Variants in CAMK4 observed in about 807,000 individuals in gnomAD.
The protein encoded by CAMK4 is calcium/calmodulin-dependent protein kinase type IV.
Under a neutral mutation model 44.9 loss-of-function variants are expected in CAMK4, and 22 were observed. The observed-to-expected ratio is 0.49, with a 90% CI of 0.35 to 0.70. The LOEUF (loss-of-function observed/expected upper bound fraction) is 0.70. Ranked by LOEUF, CAMK4 falls within the 30% of genes least tolerant of loss-of-function variation. The pLI, the probability that CAMK4 is intolerant of heterozygous loss-of-function variation, is 0.01. For missense variants in CAMK4, 498 were observed against 586.8 expected, an observed-to-expected ratio of 0.85 and a Z score of 1.56; for synonymous variants, 218 against 215.4, an observed-to-expected ratio of 1.01 and a Z score of -0.11.
At chr5:111,378,005 T>A (rs1751278364) in intron 4 of CAMK4, among the ~76,000 whole-genome samples, 1 of 152,098 alleles carries the variant, frequency 6.6e-6, no homozygotes, top group Non-Finnish European at 1.5e-5. Flanking sequence ...ACTCCTTCAC[T>A]TTTGCCAGGG....
intron 1 of CAMK4, among the ~76,000 whole-genome samples, chr5:111,279,541 T>C (rs1180656821): frequency 2.6e-5 from 4 of 152,206 alleles, no homozygotes; most frequent in Admixed American, 2.6e-4. Context: ...TATGATAGAA[T>C]TACTGATTAT....
At chr5:111,292,080 C>T (rs1197423343) in intron 1 of CAMK4, among the ~76,000 whole-genome samples, 2 of 152,166 alleles carry the variant, frequency 1.3e-5, no homozygotes, top group Admixed American at 6.5e-5. Flanking sequence ...GAAACATGCA[C>T]ATTTGCAGCA....
At chr5:111,331,253 A>G (rs1366831397) in intron 1 of CAMK4, among the ~76,000 whole-genome samples, 1 of 133,546 alleles carries the variant, frequency 7.5e-6, no homozygotes, top group East Asian at 2.3e-4. Context: ...AATAATAAAA[A>G]CAAAGTTATA....
intron 1 of CAMK4, among the ~76,000 whole-genome samples, chr5:111,231,639 T>G (rs1225829530): frequency 1.3e-5 from 2 of 152,236 alleles, no homozygotes; most frequent in Non-Finnish European, 2.9e-5. Flanking sequence ...CCCATTTCTA[T>G]GTATTACCAT....
intron 1 of CAMK4, among the ~76,000 whole-genome samples, chr5:111,273,206 C>T (rs1348304622): frequency 6.6e-6 from 1 of 152,226 alleles, no homozygotes; most frequent in Non-Finnish European, 1.5e-5. Context: ...CCATCTCATG[C>T]TAATGGCCCA....
At chr5:111,366,217 A>G (rs1750788390) in intron 2 of CAMK4, among the ~76,000 whole-genome samples, 1 of 152,170 alleles carries the variant, frequency 6.6e-6, no homozygotes, top group South Asian at 2.1e-4. Flanking sequence ...AAAATAAGTC[A>G]AAGAAGCCAA....
intron 1 of CAMK4, among the ~76,000 whole-genome samples, chr5:111,319,105 T>C (rs1222942264): frequency 6.6e-6 from 1 of 152,154 alleles, no homozygotes; most frequent in Non-Finnish European, 1.5e-5. Context: ...TCACAGGCCT[T>C]CACCCTCAAG....
chr5:111,397,381 C>T (rs1752058613), intron 5 of CAMK4, among the ~76,000 whole-genome samples: 2 of 152,166 alleles, frequency 1.3e-5, no homozygotes, highest in South Asian at 4.1e-4. Context: ...ATACTCAGCA[C>T]ATTCATTTAA....
intron 1 of CAMK4, among the ~76,000 whole-genome samples, chr5:111,330,533 A>G (rs943046524): frequency 6.6e-6 from 1 of 151,608 alleles, no homozygotes; most frequent in African/African-American, 2.4e-5. Context: ...ACATCAGTGA[A>G]TTGATTCTAA....
intron 1 of CAMK4, among the ~76,000 whole-genome samples, chr5:111,237,473 G>A (rs890576008): frequency 6.6e-5 from 10 of 152,192 alleles, no homozygotes; most frequent in African/African-American, 2.2e-4. Flanking sequence ...AAGTGTGTTG[G>A]AGGATCCTCA....
At chr5:111,416,333 C>T (rs1050559986) in intron 5 of CAMK4, among the ~76,000 whole-genome samples, 55 of 152,090 alleles carry the variant, frequency 3.6e-4, no homozygotes, top group African/African-American at 1.3e-3. Context: ...AGGAATATTA[C>T]ATTATATTAA....
intron 1 of CAMK4, among the ~76,000 whole-genome samples, chr5:111,335,185 C>T (rs1749346485): frequency 6.6e-6 from 1 of 151,464 alleles, no homozygotes; most frequent in Non-Finnish European, 1.5e-5. Context: ...TAATGCTTCC[C>T]TCAAATAATC....
At chr5:111,475,508 A>G (rs1181975429) in intron 8 of CAMK4, among the ~76,000 whole-genome samples, 3 of 152,230 alleles carry the variant, frequency 2.0e-5, no homozygotes, top group African/African-American at 7.2e-5. Flanking sequence ...GTAACCCTGA[A>G]GATAGTTCTA....
intron 5 of CAMK4, among the ~76,000 whole-genome samples, chr5:111,427,440 T>A (rs1346106630): frequency 1.3e-5 from 2 of 152,138 alleles, no homozygotes; most frequent in African/African-American, 4.8e-5. Context: ...GAACACCAAG[T>A]GGGTTCTTGG....
chr5:111,250,764 G>A lies in CAMK4; in HGVS notation c.161+26120G>A, dbSNP rs189357118. On this transcript the variant is annotated intron_variant, in intron 1 of 10. Transcript: ENST00000282356. ...TCCATTTATCCTCTACATTTCCTGC[G>A]AGGCAACATCCAATTCTGAGCCCCT... 1.1e-3 allele frequency among the ~76,000 whole-genome samples: 173 copies of A among 151,532 alleles called. 1 individual carries two copies. Among genetic ancestry groups the A allele is most frequent in the Non-Finnish European group, 5.9e-4 (40 of 67,930 alleles).
chr5:111,267,962 T>A (rs1240769048), intron 1 of CAMK4, among the ~76,000 whole-genome samples: 1 of 152,170 alleles, frequency 6.6e-6, no homozygotes, highest in Non-Finnish European at 1.5e-5. Context: ...TTGAAGTGAT[T>A]TTTTTCTCAC....
intron 5 of CAMK4, among the ~76,000 whole-genome samples, chr5:111,402,026 A>T (rs1167280249): frequency 6.6e-6 from 1 of 152,226 alleles, no homozygotes; most frequent in Admixed American, 6.5e-5. Context: ...TGCAAACTGG[A>T]TTCAACTGTT....
intron 5 of CAMK4, among the ~76,000 whole-genome samples, chr5:111,404,928 ACAATT>A (rs71970816): frequency 0.34 from 51,284 of 151,770 alleles, 9,030 homozygotes; most frequent in Non-Finnish European, 0.39. Context: ...GATAAGATCA[ACAATT>A]CAATTCAACA....
chr5:111,327,787 T>G (rs1202466892), intron 1 of CAMK4, among the ~76,000 whole-genome samples: 1 of 149,978 alleles, frequency 6.7e-6, no homozygotes, highest in African/African-American at 2.5e-5. Context: ...TCATGTGTCT[T>G]TTGGCTGCAT....
Sources: allele counts gnomAD v4.1 joint callset (sites outside exome capture counted in the v4.1 genomes callset), GRCh38; gene constraint gnomAD v4.1.1; transcripts MANE v1.5; gene names NCBI Gene and HGNC (gene_info 2026-07-23, HGNC 2026-07-21).